PTPRM: variants seen among roughly 807,000 people sequenced by gnomAD.
PTPRM encodes protein tyrosine phosphatase receptor type M.
In PTPRM, 47 loss-of-function variants were observed where a neutral mutation model predicts 186.7. That is an observed-to-expected ratio of 0.25 (90% CI 0.20 to 0.32). The LOEUF (loss-of-function observed/expected upper bound fraction) is 0.32, where lower values mean the gene tolerates loss of function less well. Among genes scored for constraint, PTPRM ranks in the 10% least tolerant of loss-of-function variants. The pLI is 1.00. For synonymous variants in PTPRM, 668 were observed against 674.9 expected, an observed-to-expected ratio of 0.99 and a Z score of 0.16; for missense variants, 1,494 against 1,865.0, an observed-to-expected ratio of 0.80 and a Z score of 3.66.
intron 7 of PTPRM, among the ~76,000 whole-genome samples, chr18:8,029,484 C>T (rs2085812156): frequency 6.6e-6 from 1 of 152,192 alleles, no homozygotes; most frequent in Non-Finnish European, 1.5e-5. Context: ...TGCTTGGCCA[C>T]TTTCTGTCTA....
At chr18:8,354,777 A>C (rs2095555023) in intron 23 of PTPRM, among the ~76,000 whole-genome samples, 3 of 152,102 alleles carry the variant, frequency 2.0e-5, no homozygotes, top group Admixed American at 6.5e-5. Context: ...TTCCCATGGG[A>C]TGATAGAACC....
intron 7 of PTPRM, among the ~76,000 whole-genome samples, chr18:7,974,863 A>G (rs969489787): frequency 6.6e-6 from 1 of 152,210 alleles, no homozygotes; most frequent in Non-Finnish European, 1.5e-5. Flanking sequence ...TAGTGCACTT[A>G]TTCTTAAACT....
At chr18:8,072,394 T>C (rs1042583456) in intron 8 of PTPRM, among the ~76,000 whole-genome samples, 2 of 152,192 alleles carry the variant, frequency 1.3e-5, no homozygotes, top group Admixed American at 6.5e-5. Context: ...TTGTTTAAAT[T>C]ATCTTGCTAG....
chr18:8,395,792 A>G lies in PTPRM; in HGVS notation c.4344+1181A>G, dbSNP rs553615058. On this transcript the variant is annotated intron_variant, in intron 32 of 32. Transcript: ENST00000580170. ...CATGGAAACCCAAATTCTAGTCTCA[A>G]CTCTACTACTAATTCTAGTTAGGTG... Among the ~76,000 whole-genome samples the G allele has an allele frequency of 8.7e-4, 132 of 151,976 alleles. 1 individual carries two copies. Among genetic ancestry groups the G allele is most frequent in the African/African-American group, 3.0e-3 (125 of 41,424 alleles).
At chr18:8,259,019 C>T (rs1031299056) in intron 19 of PTPRM, among the ~76,000 whole-genome samples, 1 of 152,142 alleles carries the variant, frequency 6.6e-6, no homozygotes, top group Non-Finnish European at 1.5e-5. Context: ...TGCACAATCT[C>T]AGCTCACTGC....
At chr18:7,952,399 T>C (rs1299724224) in intron 6 of PTPRM, among the ~76,000 whole-genome samples, 1 of 152,238 alleles carries the variant, frequency 6.6e-6, no homozygotes, top group Non-Finnish European at 1.5e-5. Context: ...TGGGAAAATT[T>C]GTTGAAAATG....
At chr18:8,400,842 G>A (rs1425914605) in intron 32 of PTPRM, among the ~76,000 whole-genome samples, 1 of 152,108 alleles carries the variant, frequency 6.6e-6, no homozygotes, top group Non-Finnish European at 1.5e-5. Flanking sequence ...AATAGCTCTT[G>A]CTGTGAAATT....
intron 5 of PTPRM, among the ~76,000 whole-genome samples, chr18:7,944,062 ATT>A (rs1299038905): frequency 6.6e-6 from 1 of 152,118 alleles, no homozygotes; most frequent in East Asian, 1.9e-4. Context: ...GTAAATAGGG[ATT>A]CTTTGTCTAG....
intron 2 of PTPRM, among the ~76,000 whole-genome samples, chr18:7,874,834 A>G (rs2048154825): frequency 6.6e-6 from 1 of 152,238 alleles, no homozygotes. Context: ...TATAGCTCCC[A>G]CAGAAAGGAG....
Position 8,384,834 on chromosome 18 carries a change from T to A in PTPRM, c.4044+148T>A, listed in dbSNP as rs528341239. The A allele has an allele frequency of 2.5e-4, 244 of 985,390 alleles. 1 individual carries two copies. Among genetic ancestry groups the A allele is most frequent in the South Asian group, 7.5e-4 (46 of 61,158 alleles). 61.0% of individuals were successfully genotyped at this position (985,390 alleles called of 1,614,324 possible). A position where few individuals can be genotyped will look rare whatever the true frequency, so the allele number is the denominator to read the frequency against. On this transcript the variant is annotated intron_variant, in intron 30 of 32. Transcript: ENST00000580170. Reference sequence around the variant, plus strand: ...AAAAAAACATAGATTCCTGACCTTATGGAGCTTACATTCTAATAGGAGCAG... The same window carrying A: ...AAAAAAACATAGATTCCTGACCTTAAGGAGCTTACATTCTAATAGGAGCAG...
intron 19 of PTPRM, among the ~76,000 whole-genome samples, chr18:8,282,479 A>G (rs952064203): frequency 6.6e-6 from 1 of 152,192 alleles, no homozygotes; most frequent in Non-Finnish European, 1.5e-5. Context: ...CCTGGCCAAC[A>G]TGGTGAAACC....
chr18:8,288,456 A>C (rs1384103743), intron 19 of PTPRM, among the ~76,000 whole-genome samples: 1 of 152,210 alleles, frequency 6.6e-6, no homozygotes, highest in Non-Finnish European at 1.5e-5. Context: ...AAAGGGTTGA[A>C]TATCCCCTAA....
intron 9 of PTPRM, among the ~76,000 whole-genome samples, chr18:8,084,452 T>C (rs2090326381): frequency 6.6e-6 from 1 of 152,146 alleles, no homozygotes; most frequent in Non-Finnish European, 1.5e-5. Flanking sequence ...TAACAATAGA[T>C]ACTCTGCATG....
At chr18:8,311,973 G>C (rs772137021) in intron 20 of PTPRM, among the ~76,000 whole-genome samples, 6 of 152,172 alleles carry the variant, frequency 3.9e-5, no homozygotes, top group Non-Finnish European at 7.3e-5. Flanking sequence ...AATCTGACGA[G>C]GGGGTACAAC....
At chr18:8,003,557 G>A (rs1028971842) in intron 7 of PTPRM, among the ~76,000 whole-genome samples, 2 of 152,236 alleles carry the variant, frequency 1.3e-5, no homozygotes, top group Non-Finnish European at 2.9e-5. Context: ...AAGATGGTCT[G>A]AGCACCGTAT....
intron 19 of PTPRM, among the ~76,000 whole-genome samples, chr18:8,270,728 C>T (rs971868017): frequency 3.9e-5 from 6 of 151,956 alleles, no homozygotes; most frequent in African/African-American, 9.7e-5. Context: ...ACCTTGAGGA[C>T]GTTATGCAAA....
chr18:8,269,075 A>C (rs2147601323), intron 19 of PTPRM, among the ~76,000 whole-genome samples: 1 of 152,198 alleles, frequency 6.6e-6, no homozygotes, highest in Non-Finnish European at 1.5e-5. Context: ...CAATTAGGCA[A>C]GAACAAGACA....
chr18:8,306,503 A>T (rs1328922093), intron 20 of PTPRM, among the ~76,000 whole-genome samples: 1 of 152,252 alleles, frequency 6.6e-6, no homozygotes, highest in Non-Finnish European at 1.5e-5. Context: ...GATGGTAATT[A>T]AAAACTACAG....
At chr18:8,204,985 G>A (rs913073946) in intron 14 of PTPRM, among the ~76,000 whole-genome samples, 2 of 152,050 alleles carry the variant, frequency 1.3e-5, no homozygotes, top group Non-Finnish European at 2.9e-5. Flanking sequence ...TTAAGTTTCC[G>A]CTAAGTGCTT....
Sources: gnomAD v4.1 joint callset for allele counts (sites outside exome capture counted in the v4.1 genomes callset) on GRCh38, gnomAD v4.1.1 for gene constraint, MANE v1.5 for transcripts, NCBI Gene and HGNC (gene_info 2026-07-23, HGNC 2026-07-21) for gene names.